The following DSCAM variants were observed in gnomAD, a reference collection of about 807,000 sequenced individuals.
DSCAM encodes DS cell adhesion molecule.
DSCAM carries 47 observed loss-of-function variants against 217.7 expected under a neutral mutation model. The observed-to-expected ratio is 0.22, with a 90% CI of 0.17 to 0.28. DSCAM has a LOEUF of 0.28. Among genes scored for constraint, DSCAM ranks in the 10% least tolerant of loss-of-function variants. The probability of loss-of-function intolerance (pLI) is 1.00; values close to 1 mark genes in which losing one functional copy is unlikely to be tolerated. For missense variants in DSCAM, 2,080 were observed against 2,618.3 expected, an observed-to-expected ratio of 0.79 and a Z score of 4.49; for synonymous variants, 1,056 against 1,015.3, an observed-to-expected ratio of 1.04 and a Z score of -0.76.
intron 3 of DSCAM, among the ~76,000 whole-genome samples, chr21:40,650,216 C>T (rs1464861789): frequency 1.3e-5 from 2 of 152,176 alleles, no homozygotes; most frequent in Admixed American, 1.3e-4. Context: ...ATCCAAGCAT[C>T]TCTAAGCATT....
intron 1 of DSCAM, among the ~76,000 whole-genome samples, chr21:40,714,779 G>A (rs1188769958): frequency 6.6e-6 from 1 of 152,148 alleles, no homozygotes; most frequent in African/African-American, 2.4e-5. Flanking sequence ...TTCAATGAAT[G>A]CATTTTGTAT....
chr21:40,414,244 G>A (rs554919802), intron 3 of DSCAM, among the ~76,000 whole-genome samples: 26 of 152,132 alleles, frequency 1.7e-4, no homozygotes, highest in African/African-American at 5.3e-4. Flanking sequence ...ATAAGGGACC[G>A]GTATCTAGCA....
chr21:40,835,379 A>G (rs2092048156), intron 1 of DSCAM, among the ~76,000 whole-genome samples: 1 of 152,222 alleles, frequency 6.6e-6, no homozygotes, highest in Non-Finnish European at 1.5e-5. Flanking sequence ...CTTCTTCTGC[A>G]ATTCCCCTGT....
intron 3 of DSCAM, among the ~76,000 whole-genome samples, chr21:40,616,917 T>C (rs1347745654): frequency 7.0e-6 from 1 of 142,996 alleles, no homozygotes; most frequent in Non-Finnish European, 1.5e-5. Flanking sequence ...CTTGGGAGGC[T>C]GAGGCAGGAG....
chr21:40,424,482 G>A (rs62223844), intron 3 of DSCAM, among the ~76,000 whole-genome samples: 9,139 of 152,226 alleles, frequency 0.06, 402 homozygotes, highest in African/African-American at 0.12. Flanking sequence ...TTGCCAGCCA[G>A]CGCCAGGTGC....
intron 1 of DSCAM, among the ~76,000 whole-genome samples, chr21:40,810,475 G>T (rs1054935676): frequency 6.6e-6 from 1 of 152,216 alleles, no homozygotes; most frequent in Non-Finnish European, 1.5e-5. Context: ...AACACAAGAA[G>T]GTTGGGTAGA....
intron 19 of DSCAM, 145 bp from the exon 20 acceptor site, chr21:40,124,473 A>C: frequency 9.7e-7 from 1 of 1,027,000 alleles, no homozygotes; most frequent in Non-Finnish European, 1.4e-6. Context: ...CCCCAAATGC[A>C]TATGTTGAAG....
chr21:40,171,235 G>A (rs748714333), intron 15 of DSCAM, among the ~76,000 whole-genome samples: 1 of 152,038 alleles, frequency 6.6e-6, no homozygotes. Flanking sequence ...GTGCCACCAC[G>A]CCTGGCTGAC....
chr21:40,770,155 A>G (rs949230182), intron 1 of DSCAM, among the ~76,000 whole-genome samples: 1 of 152,216 alleles, frequency 6.6e-6, no homozygotes, highest in African/African-American at 2.4e-5. Flanking sequence ...TCCTAAAAAC[A>G]AAAGGGAGTT....
intron 3 of DSCAM, among the ~76,000 whole-genome samples, chr21:40,545,347 T>C (rs78577431): frequency 0.041 from 6,186 of 152,258 alleles, 270 homozygotes; most frequent in East Asian, 0.2. Context: ...TATTTATTAA[T>C]CTTCACAAAT....
intron 3 of DSCAM, among the ~76,000 whole-genome samples, chr21:40,521,259 T>C (rs76105689): frequency 0.043 from 6,525 of 152,180 alleles, 282 homozygotes; most frequent in East Asian, 0.21. Context: ...GACATTTCCT[T>C]TGGATGTACA....
At chr21:40,128,326 C>T (rs1222019961) in intron 19 of DSCAM, among the ~76,000 whole-genome samples, 1 of 151,298 alleles carries the variant, frequency 6.6e-6, no homozygotes, top group East Asian at 1.9e-4. Flanking sequence ...AAGATCCTTA[C>T]CTTCTAGTGT....
chr21:40,587,519 A>G (rs1406049272), intron 3 of DSCAM, among the ~76,000 whole-genome samples: 1 of 152,232 alleles, frequency 6.6e-6, no homozygotes, highest in East Asian at 1.9e-4. Flanking sequence ...CTTTATCACA[A>G]AATGTTGTTT....
chr21:40,248,285 A>G (rs1325736880), intron 11 of DSCAM, among the ~76,000 whole-genome samples: 1 of 152,138 alleles, frequency 6.6e-6, no homozygotes, highest in East Asian at 1.9e-4. Context: ...AGAAGATGGC[A>G]TTTTCTTTTC....
intron 3 of DSCAM, among the ~76,000 whole-genome samples, chr21:40,577,333 A>AC (rs1277734412): frequency 6.7e-6 from 1 of 150,330 alleles, no homozygotes; most frequent in East Asian, 2.0e-4. Context: ...GACCTACCTG[A>AC]CCCCGGGGTG....
chr21:40,450,340 C>T (rs1601653322), intron 3 of DSCAM, among the ~76,000 whole-genome samples: 1 of 152,176 alleles, frequency 6.6e-6, no homozygotes, highest in Admixed American at 6.5e-5. Context: ...CTGGCTGACA[C>T]TTGAAAATAG....
intron 18 of DSCAM, among the ~76,000 whole-genome samples, chr21:40,136,720 A>G (rs781254117): frequency 6.6e-6 from 1 of 152,128 alleles, no homozygotes; most frequent in Non-Finnish European, 1.5e-5. Flanking sequence ...CAGGGTGTCC[A>G]CCTCACAGAA....
chr21:40,567,592 C>T (rs752022085), intron 3 of DSCAM, among the ~76,000 whole-genome samples: 12 of 151,994 alleles, frequency 7.9e-5, no homozygotes, highest in South Asian at 2.1e-4. Context: ...ATTATCCATA[C>T]GCCCCAAATG....
chr21:40,693,102 A>C, intron 2 of DSCAM, 146 bp from the exon 3 acceptor site: 10 of 960,558 alleles, frequency 1.0e-5, no homozygotes, highest in East Asian at 2.7e-5. Context: ...CCTACATTTC[A>C]CGTCTTTCAT....
Sources: gnomAD v4.1 joint callset for allele counts (sites outside exome capture counted in the v4.1 genomes callset) on GRCh38, gnomAD v4.1.1 for gene constraint, MANE v1.5 for transcripts, NCBI Gene and HGNC (gene_info 2026-07-23, HGNC 2026-07-21) for gene names.